Variants in MANEA observed in about 807,000 individuals in gnomAD.
MANEA encodes the protein glycoprotein endo-alpha-1,2-mannosidase.
Under a neutral mutation model 36.8 loss-of-function variants are expected in MANEA, and 25 were observed. That is an observed-to-expected ratio of 0.68 (90% CI 0.50 to 0.95). The LOEUF is 0.95. Ranked by LOEUF, MANEA falls within the 40% of genes least tolerant of loss-of-function variation. The pLI is 0.00. For synonymous variants in MANEA, 198 were observed against 188.5 expected (o/e 1.05, Z -0.41); for missense variants, 565 against 558.8 (o/e 1.01, Z -0.11).
chr6:95,585,099 A>G (rs1188520753), intron 1 of MANEA, among the ~76,000 whole-genome samples: 1 of 151,374 alleles, frequency 6.6e-6, no homozygotes, highest in Admixed American at 6.6e-5. Flanking sequence ...TGAATATTTC[A>G]TTCATATGGT....
intron 2 of MANEA, among the ~76,000 whole-genome samples, chr6:95,589,086 A>G (rs546995700): frequency 8.6e-5 from 13 of 151,880 alleles, no homozygotes; most frequent in Admixed American, 2.0e-4. Flanking sequence ...CCTAGACAAA[A>G]TTAAAAAATA....
At chr6:95,578,512 A>G (rs35387650) in intron 1 of MANEA, among the ~76,000 whole-genome samples, 6 of 152,116 alleles carry the variant, frequency 3.9e-5, no homozygotes, top group African/African-American at 1.4e-4. Flanking sequence ...AAACCTAGAT[A>G]TTGGTGATAC....
chr6:95,596,472 C>A (rs1769485129), intron 2 of MANEA, among the ~76,000 whole-genome samples: 1 of 152,050 alleles, frequency 6.6e-6, no homozygotes, highest in Admixed American at 6.6e-5. Context: ...TCCATATTTT[C>A]TTTGCTATTT....
chr6:95,583,138 T>C (rs1235986875), intron 1 of MANEA, among the ~76,000 whole-genome samples: 2 of 152,188 alleles, frequency 1.3e-5, no homozygotes, highest in African/African-American at 4.8e-5. Flanking sequence ...AAACAAAATC[T>C]CCAGACCTGT....
intron 3 of MANEA, among the ~76,000 whole-genome samples, chr6:95,598,560 GTTTGT>G (rs1769528026): frequency 6.6e-6 from 1 of 152,016 alleles, no homozygotes. Context: ...GGTTGTTTTT[GTTTGT>G]TTTGTTTTTT....
In MANEA at chr6:95,608,315, C is replaced by T. The variant is rs1562202887; in HGVS notation, c.*1910C>T. 2 of 151,732 alleles carry T rather than the reference C, an allele frequency of 1.3e-5. No individual in the cohort carries two copies. Among genetic ancestry groups the T allele is most frequent in the African/African-American group, 2.4e-5 (1 of 41,368 alleles). The allele number at this position is 151,732 out of a possible 1,614,324, so 9.4% of individuals were successfully genotyped here. A position where few individuals can be genotyped will look rare whatever the true frequency, so the allele number is the denominator to read the frequency against. ...GTATCTACCACAGAGGAGTTTTTGT[C>T]ATTGTGTACGTTGTGTATTTGAACC... On this transcript the variant is annotated 3_prime_UTR_variant, in exon 5 of 5. Transcript: ENST00000358812.
intron 2 of MANEA, among the ~76,000 whole-genome samples, chr6:95,588,656 A>C (rs142033052): frequency 5.4e-4 from 82 of 151,976 alleles, no homozygotes; most frequent in Non-Finnish European, 9.9e-4. Context: ...ATGGCTAAAA[A>C]AACTATGCTA....
intron 2 of MANEA, among the ~76,000 whole-genome samples, chr6:95,589,691 A>G (rs754270293): frequency 1.3e-5 from 2 of 152,164 alleles, no homozygotes; most frequent in Non-Finnish European, 2.9e-5. Flanking sequence ...TCTAAAAGTA[A>G]CAGATGAATG....
intron 2 of MANEA, among the ~76,000 whole-genome samples, chr6:95,591,036 A>G (rs957315984): frequency 6.6e-6 from 1 of 152,244 alleles, no homozygotes; most frequent in Non-Finnish European, 1.5e-5. Context: ...ATAGACAAAT[A>G]TATAGATGAA....
rs931832165 is a variant in MANEA, at chr6:95,586,489, T to C, written c.50T>C (p.Leu17Pro). ...TGCATCATTTTGGCACTTTTTATTC[T>C]ATTTATTTTCTCTCTGATGATGGGT... The part of the protein sequence containing the change: ...RTCIILALFI[L>P]FIFSLMMGLK... Residue 17 changes from leucine to proline, a missense_variant, in exon 2 of 5, where the codon CTA becomes CCA. Coordinates refer to ENST00000358812, the MANE Select transcript of MANEA (RefSeq NM_024641.4). The C allele has an allele frequency of 6.2e-7, 1 of 1,612,926 alleles. No homozygotes were observed. Among genetic ancestry groups the C allele is most frequent in the African/African-American group, 1.3e-5 (1 of 74,840 alleles).
intron 2 of MANEA, among the ~76,000 whole-genome samples, chr6:95,590,767 C>T (rs1364877822): frequency 6.6e-6 from 1 of 152,112 alleles, no homozygotes; most frequent in Non-Finnish European, 1.5e-5. Context: ...AGTCTACTTG[C>T]AAATAATATA....
Position 95,586,824 on chromosome 6 carries a change from G to C in MANEA, c.385G>C (p.Glu129Gln), listed in dbSNP as rs1161923022. 3.1e-6 allele frequency: 5 copies of C among 1,613,872 alleles called. No homozygotes were observed. In the Admixed American group the frequency reaches 5.0e-5, roughly 16 times the overall value. Reference protein sequence around the residue: ...KYIHWNHPVLEHWDPRIAKNY... With the variant: ...KYIHWNHPVLQHWDPRIAKNY... Reference sequence around the variant, plus strand: ...TATACATTGGAATCATCCAGTGTTAGAGCATTGGGACCCTAGAATAGCCAA... The same window carrying C: ...TATACATTGGAATCATCCAGTGTTACAGCATTGGGACCCTAGAATAGCCAA... Residue 129 changes from glutamate to glutamine, a missense_variant, in exon 2 of 5, where the codon GAG becomes CAG. Glu to Gln is a conservative substitution (Grantham distance 29). Transcript: ENST00000358812.
In MANEA at chr6:95,604,851, A is replaced by G. The variant is rs369492339; in HGVS notation, c.679A>G (p.Ser227Gly). 6.1e-6 allele frequency: 9 copies of G among 1,485,922 alleles called. No homozygotes were observed. Among genetic ancestry groups the G allele is most frequent in the Non-Finnish European group, 7.3e-6 (8 of 1,098,368 alleles). 92.0% of individuals were successfully genotyped at this position (1,485,922 alleles called of 1,614,324 possible). ...GGTTACTTTTCACATAGAACCATAT[A>G]GCAATCGAGATGATCAAAACATGTA... ...LKVTFHIEPY[S>G]NRDDQNMYKN... is the part of the protein sequence containing the mutation. Residue 227 changes from serine to glycine, a missense_variant, in exon 4 of 5, where the codon AGC becomes GGC. Transcript: ENST00000358812.
At chr6:95,592,985 G>A (rs996594466) in intron 2 of MANEA, among the ~76,000 whole-genome samples, 1 of 152,148 alleles carries the variant, frequency 6.6e-6, no homozygotes, top group Non-Finnish European at 1.5e-5. Context: ...GCATGGAGGG[G>A]TGACATGAGC....
chr6:95,605,145 T>C (rs1476405882), intron 4 of MANEA, among the ~76,000 whole-genome samples: 4 of 152,090 alleles, frequency 2.6e-5, no homozygotes, highest in Non-Finnish European at 4.4e-5. Flanking sequence ...TTATAGGCTA[T>C]TTATGATTTC....
At position 95,597,199 on chromosome 6, in the gene MANEA, TA is replaced by T. The variant is rs558924088; in HGVS notation, c.654+359del. ...TAACTTTGCATATTTATAAAGTAGT[TA>T]AAAAATAAACTTGCTCAAATATTTT... On this transcript the variant is annotated intron_variant, in intron 3 of 4. Coordinates refer to ENST00000358812, the MANE Select transcript of MANEA (RefSeq NM_024641.4). 5.9e-5 allele frequency among the ~76,000 whole-genome samples: 9 copies of T among 152,138 alleles called. 1 individual carries two copies. In the South Asian group the frequency reaches 1.9e-3, roughly 32 times the overall value.
intron 2 of MANEA, among the ~76,000 whole-genome samples, chr6:95,596,368 T>C (rs1769483685): frequency 6.6e-6 from 1 of 152,124 alleles, no homozygotes; most frequent in Non-Finnish European, 1.5e-5. Flanking sequence ...AATCTTTCAA[T>C]ATTGGGTCAT....
chr6:95,604,670 TTTA>T (rs1769666256), intron 3 of MANEA, among the ~76,000 whole-genome samples, 154 bp from the exon 4 acceptor site: 1 of 152,000 alleles, frequency 6.6e-6, no homozygotes, highest in South Asian at 2.1e-4. Context: ...AGCAGTAAAT[TTTA>T]TTGGTAAAAA....
At chr6:95,584,521 C>T (rs1047256361) in intron 1 of MANEA, among the ~76,000 whole-genome samples, 2 of 152,148 alleles carry the variant, frequency 1.3e-5, no homozygotes, top group South Asian at 2.1e-4. Context: ...TCTCTGCTCT[C>T]GAACCCTGTT....
Sources: allele counts gnomAD v4.1 joint callset (sites outside exome capture counted in the v4.1 genomes callset), GRCh38; gene constraint gnomAD v4.1.1; transcripts MANE v1.5; gene names NCBI Gene and HGNC (gene_info 2026-07-23, HGNC 2026-07-21).